Variants in SCFD2 observed in about 807,000 individuals in gnomAD.
The protein encoded by SCFD2 is sec1 family domain containing 2.
Under a neutral mutation model 58.9 loss-of-function variants are expected in SCFD2, and 54 were observed. The ratio of observed to expected loss-of-function variants is 0.92; its 90% CI spans 0.74 to 1.15. SCFD2 has a LOEUF of 1.15. Among genes scored for constraint, SCFD2 ranks in the 50% most tolerant of loss-of-function variants. SCFD2 has a pLI of 0.00. For missense variants in SCFD2, 805 were observed against 836.6 expected (o/e 0.96, Z 0.47); for synonymous variants, 321 against 335.9 (o/e 0.96, Z 0.49).
At chr4:52,878,127 C>T (rs1218578939) in intron 8 of SCFD2, among the ~76,000 whole-genome samples, 2 of 152,174 alleles carry the variant, frequency 1.3e-5, no homozygotes, top group Non-Finnish European at 2.9e-5. Context: ...AGTGTGTCCC[C>T]CTGGCTGTTG....
chr4:52,880,956 C>G (rs996291900), intron 8 of SCFD2, among the ~76,000 whole-genome samples: 1 of 152,218 alleles, frequency 6.6e-6, no homozygotes, highest in Non-Finnish European at 1.5e-5. Flanking sequence ...TGGGCACATG[C>G]GGATCAGAGC....
chr4:53,334,164 T>C (rs958831585), intron 2 of SCFD2, among the ~76,000 whole-genome samples: 1 of 151,072 alleles, frequency 6.6e-6, no homozygotes, highest in African/African-American at 2.4e-5. Context: ...GACTGTAAAC[T>C]AGTTCAACCA....
chr4:53,171,174 T>G (rs1221540254), intron 4 of SCFD2, among the ~76,000 whole-genome samples: 1 of 152,198 alleles, frequency 6.6e-6, no homozygotes, highest in Admixed American at 6.5e-5. Context: ...CTTTCTTGTG[T>G]TGAGGTACCC....
intron 5 of SCFD2, among the ~76,000 whole-genome samples, chr4:52,968,565 T>C (rs1164226719): frequency 6.6e-6 from 1 of 152,218 alleles, no homozygotes; most frequent in South Asian, 2.1e-4. Flanking sequence ...CGACAGATAC[T>C]ATTATGAATT....
intron 5 of SCFD2, among the ~76,000 whole-genome samples, chr4:53,103,209 A>G (rs1724879987): frequency 6.6e-6 from 1 of 152,122 alleles, no homozygotes; most frequent in Admixed American, 6.6e-5. Context: ...CAAAATTAAC[A>G]TAACTGAAGG....
At chr4:53,305,409 A>C (rs556853426) in intron 3 of SCFD2, among the ~76,000 whole-genome samples, 2 of 152,160 alleles carry the variant, frequency 1.3e-5, no homozygotes, top group East Asian at 3.9e-4. Context: ...ATTCTTTCCC[A>C]TTGTGTCATC....
chr4:52,991,106 G>A (rs1383653487), intron 5 of SCFD2, among the ~76,000 whole-genome samples: 3 of 152,192 alleles, frequency 2.0e-5, no homozygotes, highest in African/African-American at 7.2e-5. Context: ...AAAGGGGGCT[G>A]AGTAGATCTG....
At chr4:53,303,894 T>C (rs964608024) in intron 3 of SCFD2, among the ~76,000 whole-genome samples, 4 of 140,508 alleles carry the variant, frequency 2.8e-5, no homozygotes, top group Admixed American at 7.8e-5. Flanking sequence ...TAGGTGAGAA[T>C]TGAACAATGA....
In SCFD2 at chr4:53,139,820, G is replaced by A. The variant is rs183342695; in HGVS notation, c.1561+5513C>T. On this transcript the variant is annotated intron_variant, in intron 5 of 8. Coordinates refer to ENST00000401642, the MANE Select transcript of SCFD2 (RefSeq NM_152540.4). Reference sequence around the variant, plus strand: ...ATCGGATTGTTACTGTGTCTGTCTGGAAAGAATTAGACATAGGAGATTCCA... The same window carrying A: ...ATCGGATTGTTACTGTGTCTGTCTGAAAAGAATTAGACATAGGAGATTCCA... Among the ~76,000 whole-genome samples the A allele has an allele frequency of 2.6e-5, 4 of 152,362 alleles. No individual in the cohort carries two copies. In the East Asian group the frequency reaches 5.8e-4, roughly 22 times the overall value.
At chr4:53,248,279 AC>A (rs970802038) in intron 4 of SCFD2, among the ~76,000 whole-genome samples, 1 of 152,200 alleles carries the variant, frequency 6.6e-6, no homozygotes, top group Admixed American at 6.5e-5. Flanking sequence ...TCCTACACCC[AC>A]TGAGTCTCGC....
Position 52,975,645 on chromosome 4 carries a change from C to T in SCFD2, c.1562-54775G>A, listed in dbSNP as rs576376459. On this transcript the variant is annotated intron_variant, in intron 5 of 8. Transcript: ENST00000401642. ...CCTCAGGGATCCAGAAGTAGAAATA[C>T]CATTTGACCCAGCCATCCCATTACT... 2.4e-3 allele frequency among the ~76,000 whole-genome samples: 364 copies of T among 152,234 alleles called. 1 individual carries two copies. The highest frequency in any genetic ancestry group is 3.8e-3 in the Non-Finnish European group (259 of 68,012).
At chr4:52,989,637 C>T (rs1179063743) in intron 5 of SCFD2, among the ~76,000 whole-genome samples, 1 of 152,160 alleles carries the variant, frequency 6.6e-6, no homozygotes, top group Non-Finnish European at 1.5e-5. Flanking sequence ...TACATAAAAT[C>T]GACATCATCT....
chr4:53,033,759 C>G (rs887373018), intron 5 of SCFD2, among the ~76,000 whole-genome samples: 1 of 152,166 alleles, frequency 6.6e-6, no homozygotes, highest in Non-Finnish European at 1.5e-5. Context: ...CCTCCCAAGT[C>G]TAAACCAGGA....
At chr4:52,910,794 T>A (rs966957747) in intron 6 of SCFD2, among the ~76,000 whole-genome samples, 7 of 152,142 alleles carry the variant, frequency 4.6e-5, no homozygotes, top group Admixed American at 3.9e-4. Context: ...GCTGTTCTCA[T>A]GACAGTGGGA....
intron 2 of SCFD2, among the ~76,000 whole-genome samples, chr4:53,330,009 A>C (rs1172199099): frequency 1.3e-5 from 2 of 151,750 alleles, no homozygotes; most frequent in African/African-American, 4.8e-5. Flanking sequence ...TGGAAGATGA[A>C]ATGAATGAAA....
rs1471716763 is a variant in SCFD2, at chr4:53,313,692, C to T, written c.1079G>A (p.Arg360Gln). 9 of 1,613,906 alleles carry T rather than the reference C, an allele frequency of 5.6e-6. No homozygotes were observed. Among genetic ancestry groups the T allele is most frequent in the Admixed American group, 3.3e-5 (2 of 59,982 alleles). The change falls in exon 3 of 9, where the codon CGG becomes CAG. Residue 360 changes from arginine (R) to glutamine (Q), a missense_variant. Arg to Gln is a conservative substitution (Grantham distance 43, BLOSUM62 1). Coordinates refer to ENST00000401642, the MANE Select transcript of SCFD2 (RefSeq NM_152540.4). ...GCTTGCCGCTTCCACTAGATGTCTCCGAACTTCCATCACTGCCTCTTTGTG... is the reference window on the plus strand; with the variant it reads ...GCTTGCCGCTTCCACTAGATGTCTCTGAACTTCCATCACTGCCTCTTTGTG... The part of the protein sequence containing the change: ...TKHKEAVMEV[R>Q]RHLVEAASRE...
At chr4:52,940,343 G>A (rs1577843855) in intron 5 of SCFD2, among the ~76,000 whole-genome samples, 1 of 152,116 alleles carries the variant, frequency 6.6e-6, no homozygotes, top group South Asian at 2.1e-4. Flanking sequence ...AGTTTCACAG[G>A]GAGATCCCTC....
intron 4 of SCFD2, among the ~76,000 whole-genome samples, chr4:53,272,938 C>G (rs1284106053): frequency 1.3e-5 from 2 of 151,836 alleles, no homozygotes; most frequent in African/African-American, 2.4e-5. Flanking sequence ...AAATTAAAAC[C>G]CATAGCATAA....
intron 4 of SCFD2, among the ~76,000 whole-genome samples, chr4:53,254,994 T>G (rs986017460): frequency 4.0e-5 from 6 of 150,444 alleles, no homozygotes; most frequent in African/African-American, 1.2e-4. Context: ...TGCCTCAGCC[T>G]CCCCAGCAGC....
Sources: gnomAD v4.1 joint callset for allele counts (sites outside exome capture counted in the v4.1 genomes callset) on GRCh38, gnomAD v4.1.1 for gene constraint, MANE v1.5 for transcripts, NCBI Gene and HGNC (gene_info 2026-07-23, HGNC 2026-07-21) for gene names.